Variants in SPRY3 observed in about 807,000 individuals in gnomAD.
SPRY3 encodes the protein sprouty RTK signaling antagonist 3.
A neutral mutation model predicts 20.2 loss-of-function variants in SPRY3; 15 were observed. That is an observed-to-expected ratio of 0.74 (90% CI 0.50 to 1.14). The LOEUF (loss-of-function observed/expected upper bound fraction) is 1.14, where lower values mean the gene tolerates loss of function less well. Ranked by LOEUF, SPRY3 falls within the 50% of genes most tolerant of loss-of-function variation. The probability of loss-of-function intolerance (pLI) is 0.00; values close to 1 mark genes in which losing one functional copy is unlikely to be tolerated. For missense variants in SPRY3, 364 were observed against 363.9 expected, an observed-to-expected ratio of 1.00 and a Z score of 0.00; for synonymous variants, 143 against 136.5, an observed-to-expected ratio of 1.05 and a Z score of -0.33.
Position 155,763,325 on chromosome X carries a change from A to G in SPRY3, c.-281-4637A>G, listed in dbSNP as rs761195700. On this transcript the variant is annotated intron_variant, in intron 2 of 3. Transcript: ENST00000675360. ...ACTTCTCAGTATGCAATGGTATCAT[A>G]TTCAACTGAAAACATCTCATCCTTA... Among the ~76,000 whole-genome samples, 9 of 152,182 alleles carry G rather than the reference A, an allele frequency of 5.9e-5. No homozygotes were observed. The South Asian group carries it at 1.9e-3, about 32-fold the overall frequency.
At chrX:155,736,538 G>A (rs1197236094) in intron 2 of SPRY3, among the ~76,000 whole-genome samples, 1 of 151,888 alleles carries the variant, frequency 6.6e-6, no homozygotes, top group Non-Finnish European at 1.5e-5. Context: ...CATGGTATCT[G>A]ATAAGTTTCT....
chrX:155,660,852 C>T lies in SPRY3; in HGVS notation c.-282+3827C>T, dbSNP rs7891000. Among the ~76,000 whole-genome samples, 743 of 109,202 alleles carry T rather than the reference C, an allele frequency of 6.8e-3. 6 individuals carry two copies. The highest frequency in any genetic ancestry group is 0.023 in the African/African-American group (704 of 29,966). The allele number at this position is 109,202 out of a possible 115,157, so 94.8% of individuals were successfully genotyped here. ...TGACATAAGTAGAGGTGCTCCTGCTCGCTTTTGGTCCTGTTTGCATGGAGT... is the reference window on the plus strand; with the variant it reads ...TGACATAAGTAGAGGTGCTCCTGCTTGCTTTTGGTCCTGTTTGCATGGAGT... On this transcript the variant is annotated intron_variant, in intron 2 of 3. Coordinates refer to ENST00000675360, the Ensembl canonical transcript of SPRY3.
chrX:155,683,874 G>A (rs2068080478), intron 2 of SPRY3, among the ~76,000 whole-genome samples: 1 of 111,844 alleles, frequency 8.9e-6, no homozygotes, highest in African/African-American at 3.3e-5. Flanking sequence ...GAAGAGTAGA[G>A]GAAAATGATC....
intron 2 of SPRY3, among the ~76,000 whole-genome samples, chrX:155,706,472 G>A (rs1389403353): frequency 2.0e-5 from 3 of 150,568 alleles, no homozygotes; most frequent in African/African-American, 4.9e-5. Context: ...CCCACAGTAA[G>A]CAGAAGAAAG....
At chrX:155,718,507 G>A (rs1206393556) in intron 2 of SPRY3, among the ~76,000 whole-genome samples, 1 of 152,134 alleles carries the variant, frequency 6.6e-6, no homozygotes, top group Non-Finnish European at 1.5e-5. Context: ...CTGTATGCCT[G>A]TGGGAATTTA....
chrX:155,636,838 T>C (rs1254570512), intron 1 of SPRY3, among the ~76,000 whole-genome samples: 1 of 109,724 alleles, frequency 9.1e-6, no homozygotes, highest in Non-Finnish European at 1.9e-5. Flanking sequence ...GAGAGTGTTT[T>C]TGTGTGAAGG....
chrX:155,725,439 G>C (rs752222665), intron 2 of SPRY3, among the ~76,000 whole-genome samples: 1 of 152,162 alleles, frequency 6.6e-6, no homozygotes, highest in Non-Finnish European at 1.5e-5. Flanking sequence ...CTGTGAATCC[G>C]TCTGGTCCTG....
intron 2 of SPRY3, among the ~76,000 whole-genome samples, chrX:155,667,463 C>G (rs181885112): frequency 1.3e-3 from 139 of 110,688 alleles, no homozygotes; most frequent in African/African-American, 4.2e-3. Flanking sequence ...AAAGGACAAC[C>G]CCTCTACTAT....
intron 2 of SPRY3, among the ~76,000 whole-genome samples, chrX:155,713,657 G>A (rs1347994421): frequency 3.3e-5 from 5 of 151,974 alleles, no homozygotes; most frequent in Non-Finnish European, 7.4e-5. Flanking sequence ...GAGTTTGATT[G>A]TTAAATGCCT....
intron 2 of SPRY3, among the ~76,000 whole-genome samples, chrX:155,767,559 A>AG (rs1012103566): frequency 1.6e-5 from 2 of 122,444 alleles, no homozygotes; most frequent in Admixed American, 9.0e-5. Flanking sequence ...GCGAAAGAGG[A>AG]GGGGGAGGAG....
chrX:155,699,910 G>A (rs1334782377), intron 2 of SPRY3, among the ~76,000 whole-genome samples: 1 of 108,477 alleles, frequency 9.2e-6, no homozygotes, highest in Non-Finnish European at 1.9e-5. Context: ...ATTCTGCTTG[G>A]AGATGAATGA....
chrX:155,613,349 TAC>T (rs1266971160), intron 1 of SPRY3, among the ~76,000 whole-genome samples: 3 of 111,313 alleles, frequency 2.7e-5, no homozygotes, highest in Non-Finnish European at 5.7e-5. Context: ...CAGTGCTACA[TAC>T]AGTGAGCACT....
exon 4 of SPRY3, chrX:155,776,040 T>C: frequency 1.2e-5 from 2 of 167,240 alleles, no homozygotes. Flanking sequence ...TTCTGACTCC[T>C]AGTTCAGTAT....
At chrX:155,729,924 C>A (rs1247991041) in intron 2 of SPRY3, among the ~76,000 whole-genome samples, 5 of 152,184 alleles carry the variant, frequency 3.3e-5, no homozygotes, top group Admixed American at 3.3e-4. Flanking sequence ...CTACTATGAG[C>A]AACTATGTGC....
chrX:155,666,539 C>T (rs1365394445), intron 2 of SPRY3, among the ~76,000 whole-genome samples: 2 of 110,862 alleles, frequency 1.8e-5, no homozygotes, highest in East Asian at 2.8e-4. Context: ...GAAGCAGAAG[C>T]GTAAACAGAT....
intron 1 of SPRY3, among the ~76,000 whole-genome samples, chrX:155,622,312 A>G (rs2067874046): frequency 1.8e-5 from 2 of 112,105 alleles, no homozygotes; most frequent in Admixed American, 1.9e-4. Context: ...ACAAACCACT[A>G]CCTGCAGTTA....
chrX:155,740,746 T>A (rs2091200171), intron 2 of SPRY3, among the ~76,000 whole-genome samples: 1 of 152,198 alleles, frequency 6.6e-6, no homozygotes, highest in Non-Finnish European at 1.5e-5. Context: ...CCTTTTGTCC[T>A]GTTTCCTCAG....
intron 2 of SPRY3, among the ~76,000 whole-genome samples, chrX:155,675,944 A>G (rs2068057752): frequency 8.9e-6 from 1 of 111,749 alleles, no homozygotes; most frequent in Admixed American, 9.5e-5. Context: ...ATACATGTTC[A>G]TTCCTGGTAA....
downstream of SPRY3, chrX:155,779,942 C>T (rs1467454538): frequency 6.0e-6 from 1 of 166,904 alleles, no homozygotes; most frequent in African/African-American, 2.4e-5. Context: ...GTCCCTTTAT[C>T]CTAGTTTAGG....
Sources: allele counts gnomAD v4.1 joint callset (sites outside exome capture counted in the v4.1 genomes callset), GRCh38; gene constraint gnomAD v4.1.1; transcripts MANE v1.5; gene names NCBI Gene and HGNC (gene_info 2026-07-23, HGNC 2026-07-21).